ELP1: variants seen among roughly 807,000 people sequenced by gnomAD.
ELP1 encodes the protein elongator acetyltransferase complex subunit 1, also known as elongator complex protein 1.
In ELP1, 131 loss-of-function variants were observed where a neutral mutation model predicts 183.2. That is an observed-to-expected ratio of 0.72 (90% confidence interval 0.62 to 0.83). The LOEUF (loss-of-function observed/expected upper bound fraction) is 0.83. Ranked by LOEUF, ELP1 falls within the 40% of genes least tolerant of loss-of-function variation. ELP1 has a pLI of 0.00. For missense variants in ELP1, 1,550 were observed against 1,594.9 expected, an observed-to-expected ratio of 0.97 and a Z score of 0.48; for synonymous variants, 555 against 569.0, an observed-to-expected ratio of 0.98 and a Z score of 0.35.
At chr9:108,928,654 C>CA (rs1286239202) in intron 3 of ELP1, among the ~76,000 whole-genome samples, 1 of 152,030 alleles carries the variant, frequency 6.6e-6, no homozygotes, top group African/African-American at 2.4e-5. Flanking sequence ...CTCTACCTTT[C>CA]AGACAATTGA....
At position 108,893,809 on chromosome 9, in the gene ELP1, C is replaced by T. The variant is rs893501707; in HGVS notation, c.2860+134G>A. 4.3e-6 allele frequency: 4 copies of T among 935,020 alleles called. No homozygotes were observed. The African/African-American group carries it at 6.6e-5, about 15-fold the overall frequency. The allele number at this position is 935,020 out of a possible 1,614,324, so 57.9% of individuals were successfully genotyped here. A position where few individuals can be genotyped will look rare whatever the true frequency, so the allele number is the denominator to read the frequency against. ...AGAACACAGGACAAAATAACGTGAG[C>T]ATACATAATTGTTAGAGTTTTCAGG... On this transcript the variant is annotated intron_variant, in intron 26 of 36. Coordinates refer to ENST00000374647, the MANE Select transcript of ELP1 (RefSeq NM_003640.5).
chr9:108,898,814 T>C (rs1828657780), intron 20 of ELP1, 65 bp from the exon 21 acceptor site: 1 of 1,050,794 alleles, frequency 9.5e-7, no homozygotes, highest in African/African-American at 1.6e-5. Context: ...GGGCCCAGCA[T>C]ATTTTCATTA....
Position 108,868,707 on chromosome 9 carries a change from C to T in ELP1, c.*408G>A. ...AAGCTATTTAAGTGATTACATTTGA[C>T]CAAATGTAGCACTAATAGCCATTGT... On this transcript the variant is annotated 3_prime_UTR_variant, in exon 37 of 37. Coordinates refer to ENST00000374647, the MANE Select transcript of ELP1 (RefSeq NM_003640.5). The T allele has an allele frequency of 2.0e-6, 1 of 499,082 alleles. No homozygotes were observed. Among genetic ancestry groups the T allele is most frequent in the Non-Finnish European group, 3.5e-6 (1 of 285,254 alleles). 30.9% of individuals were successfully genotyped at this position (499,082 alleles called of 1,614,324 possible).
chr9:108,873,789 G>A (rs1274122644), intron 36 of ELP1, among the ~76,000 whole-genome samples: 3 of 152,172 alleles, frequency 2.0e-5, no homozygotes, highest in Non-Finnish European at 4.4e-5. Flanking sequence ...GGGAGGCCGA[G>A]GCAGGAGGAT....
At chr9:108,927,558 C>A in intron 3 of ELP1, 105 bp from the exon 4 acceptor site, 1 of 871,078 alleles carries the variant, frequency 1.1e-6, no homozygotes, top group Non-Finnish European at 1.9e-6. Flanking sequence ...GAAAAGACAT[C>A]AGTATATGGA....
intron 32 of ELP1, 24 bp from the exon 33 acceptor site, chr9:108,879,581 G>A (rs369849777): frequency 8.2e-5 from 126 of 1,535,562 alleles, no homozygotes; most frequent in Non-Finnish European, 8.3e-5. Context: ...ACCAGAAGCC[G>A]ATGAAAACAC....
Position 108,868,711 on chromosome 9 carries a change from A to T in ELP1, c.*404T>A. ...TATTTAAGTGATTACATTTGACCAA[A>T]TGTAGCACTAATAGCCATTGTAATC... On this transcript the variant is annotated 3_prime_UTR_variant, in exon 37 of 37. Coordinates refer to ENST00000374647, the MANE Select transcript of ELP1 (RefSeq NM_003640.5). The T allele has an allele frequency of 1.9e-6, 1 of 520,110 alleles. No homozygotes were observed. Among genetic ancestry groups the T allele is most frequent in the Non-Finnish European group, 3.4e-6 (1 of 297,178 alleles). The allele number at this position is 520,110 out of a possible 1,614,324, so 32.2% of individuals were successfully genotyped here.
chr9:108,908,659 C>T (rs930925976), intron 12 of ELP1, among the ~76,000 whole-genome samples: 3 of 152,236 alleles, frequency 2.0e-5, no homozygotes, highest in African/African-American at 7.2e-5. Flanking sequence ...CAATTTCCTC[C>T]ACTGTCTTCA....
At chr9:108,894,552 T>A (rs1178530573) in intron 25 of ELP1, among the ~76,000 whole-genome samples, 1 of 152,242 alleles carries the variant, frequency 6.6e-6, no homozygotes, top group African/African-American at 2.4e-5. Flanking sequence ...TGCTTTCACA[T>A]ACGGATATTA....
At chr9:108,897,988 T>TGGTAGAGTG (rs1383722923) in intron 22 of ELP1, among the ~76,000 whole-genome samples, 2 of 152,134 alleles carry the variant, frequency 1.3e-5, no homozygotes, top group African/African-American at 2.4e-5. Context: ...GAAGTACAGG[T>TGGTAGAGTG]GGTAGAGTGG....
Position 108,878,681 on chromosome 9 carries a change from C to T in ELP1, c.3642G>A (p.Glu1214=), listed in dbSNP as rs748018304. 1.2e-6 allele frequency: 2 copies of T among 1,614,218 alleles called. No homozygotes were observed. Among genetic ancestry groups the T allele is most frequent in the Non-Finnish European group, 8.5e-7 (1 of 1,180,044 alleles). Residue 1214 remains glutamate, a synonymous_variant, in exon 34 of 37, where the codon GAG becomes GAA. Transcript: ENST00000374647. The stretch of plus-strand genomic sequence containing the variant: ...TCAGTGCCTCCAGGAGGGCCAGGTC[C>T]TCCAGCGGACTGCCTTCTTTGAGGC... ...KHSLKEGSPL[E]DLALLEALSE... is the part of the protein sequence containing the mutation.
chr9:108,897,768 T>C (rs955300346), intron 22 of ELP1, among the ~76,000 whole-genome samples: 1 of 152,226 alleles, frequency 6.6e-6, no homozygotes, highest in Non-Finnish European at 1.5e-5. Flanking sequence ...CAGGGACTGA[T>C]TGAAAGGAAT....
At position 108,899,667 on chromosome 9, in the gene ELP1, T is replaced by TAA. The variant is rs369301164; in HGVS notation, c.2204+153_2204+154dup. Among the ~76,000 whole-genome samples, 1,099 of 138,658 alleles carry TAA rather than the reference T, an allele frequency of 7.9e-3. 17 individuals are homozygous for TAA. The highest frequency in any genetic ancestry group is 0.027 in the African/African-American group (1,030 of 38,066). The allele number at this position is 138,658 out of a possible 152,430, so 91.0% of individuals were successfully genotyped here. On this transcript the variant is annotated intron_variant, in intron 20 of 36. Transcript: ENST00000374647. ...AAATACTGCATTAAAGTAAAAAAGT[T>TAA]AAAAAAAAAAAAAAGAGCCTCTAAG...
chr9:108,923,647 G>C (rs1423640808), intron 5 of ELP1, among the ~76,000 whole-genome samples: 1 of 152,180 alleles, frequency 6.6e-6, no homozygotes, highest in Admixed American at 6.5e-5. Context: ...AGGGGCTGCA[G>C]GTCACAAAAC....
In ELP1 at chr9:108,879,491, C is replaced by T. The variant is rs749668335; in HGVS notation, c.3527G>A (p.Ser1176Asn). 235 of 1,614,054 alleles carry T rather than the reference C, an allele frequency of 1.5e-4. No individual in the cohort carries two copies. The highest frequency in any genetic ancestry group is 1.9e-4 in the Non-Finnish European group (221 of 1,180,010). The change falls in exon 33 of 37, where the codon AGT becomes AAT. Residue 1176 changes from serine (S) to asparagine (N), a missense_variant. Coordinates refer to ENST00000374647, the MANE Select transcript of ELP1 (RefSeq NM_003640.5). ...FSETSSVVSG[S>N]EMSGKYSHSN... ...ATGGGAGTATTTGCCACTCATCTCA[C>T]TGCCACTCACGACACTGCTAGTTTC...
intron 22 of ELP1, 126 bp from the exon 23 acceptor site, chr9:108,897,411 A>C: frequency 1.0e-6 from 1 of 975,988 alleles, no homozygotes; most frequent in Non-Finnish European, 1.6e-6. Context: ...GTTGAATTAT[A>C]AAAATATTGA....
At chr9:108,878,792 C>CT (rs1225963590) in intron 33 of ELP1, 42 bp from the exon 34 acceptor site, 1 of 1,610,044 alleles carries the variant, frequency 6.2e-7, no homozygotes, top group Non-Finnish European at 8.5e-7. Flanking sequence ...TCCTGAGTAG[C>CT]TAGGACTACA....
At chr9:108,906,954 A>C (rs1480339789) in intron 13 of ELP1, among the ~76,000 whole-genome samples, 1 of 152,058 alleles carries the variant, frequency 6.6e-6, no homozygotes, top group Non-Finnish European at 1.5e-5. Context: ...GCATTTATAC[A>C]CCTGACCAGC....
At chr9:108,869,517 C>T (rs991898674) in intron 36 of ELP1, among the ~76,000 whole-genome samples, 2 of 152,164 alleles carry the variant, frequency 1.3e-5, no homozygotes, top group Admixed American at 6.5e-5. Flanking sequence ...AAATTGTACA[C>T]CTGAAATCTC....
Sources: allele counts gnomAD v4.1 joint callset (sites outside exome capture counted in the v4.1 genomes callset), GRCh38; gene constraint gnomAD v4.1.1; transcripts MANE v1.5; gene names NCBI Gene and HGNC (gene_info 2026-07-23, HGNC 2026-07-21).